The following ASIC2 variants were observed in gnomAD, a reference collection of about 807,000 sequenced individuals.
The protein encoded by ASIC2 is acid-sensing ion channel 2.
A neutral mutation model predicts 57.3 loss-of-function variants in ASIC2; 25 were observed. The ratio of observed to expected loss-of-function variants is 0.44; its 90% CI spans 0.32 to 0.61. The LOEUF (loss-of-function observed/expected upper bound fraction) is 0.61, where lower values mean the gene tolerates loss of function less well. Among genes scored for constraint, ASIC2 ranks in the 20% least tolerant of loss-of-function variants. The pLI, the probability that ASIC2 is intolerant of heterozygous loss-of-function variation, is 0.06. For missense variants in ASIC2, 641 were observed against 738.1 expected (o/e 0.87, Z 1.52); for synonymous variants, 319 against 307.5 (o/e 1.04, Z -0.39).
chr17:33,949,714 T>C (rs927693279), intron 1 of ASIC2, among the ~76,000 whole-genome samples: 2 of 152,226 alleles, frequency 1.3e-5, no homozygotes, highest in African/African-American at 4.8e-5. Flanking sequence ...AACCTCAGTT[T>C]CCTCATCTAT....
At chr17:33,737,766 C>T (rs1317681789) in intron 1 of ASIC2, among the ~76,000 whole-genome samples, 1 of 152,134 alleles carries the variant, frequency 6.6e-6, no homozygotes, top group Non-Finnish European at 1.5e-5. Flanking sequence ...AATATCCATT[C>T]CACCCAAGTC....
chr17:34,039,310 G>T, intron 1 of ASIC2: 3 of 1,613,984 alleles, frequency 1.9e-6, no homozygotes, highest in Non-Finnish European at 1.7e-6. Flanking sequence ...TGTGTTGCCA[G>T]ATCCCGTAGA....
chr17:33,543,704 A>C (rs1211287279), intron 1 of ASIC2, among the ~76,000 whole-genome samples: 1 of 152,174 alleles, frequency 6.6e-6, no homozygotes, highest in Non-Finnish European at 1.5e-5. Context: ...TAGTACTCTC[A>C]ATAAAGTCTT....
intron 1 of ASIC2, among the ~76,000 whole-genome samples, chr17:33,975,929 C>G (rs181619733): frequency 2.0e-5 from 3 of 152,030 alleles, no homozygotes. Context: ...TGAAGATTTC[C>G]CCAAATTCTT....
At chr17:33,571,885 C>T (rs1283040582) in intron 1 of ASIC2, 1 of 152,246 alleles carries the variant, frequency 6.6e-6, no homozygotes, top group Non-Finnish European at 1.5e-5. Context: ...GGTTTACCAG[C>T]AATCCCTCAA....
At chr17:33,744,854 T>A (rs1045371521) in intron 1 of ASIC2, among the ~76,000 whole-genome samples, 1 of 151,728 alleles carries the variant, frequency 6.6e-6, no homozygotes, top group Non-Finnish European at 1.5e-5. Context: ...CTGGCAGAAA[T>A]TATAAAAAAA....
chr17:33,845,328 A>G (rs148349339), intron 1 of ASIC2, among the ~76,000 whole-genome samples: 1 of 152,316 alleles, frequency 6.6e-6, no homozygotes, highest in East Asian at 1.9e-4. Context: ...GGGAAAACTG[A>G]TCAACTCTCC....
At chr17:33,489,878 A>T (rs915389328) in intron 1 of ASIC2, among the ~76,000 whole-genome samples, 4 of 152,208 alleles carry the variant, frequency 2.6e-5, no homozygotes, top group African/African-American at 9.6e-5. Context: ...CTTAGTCCTG[A>T]GTACCCAGGC....
chr17:33,092,780 T>C (rs2056577477), intron 2 of ASIC2, among the ~76,000 whole-genome samples: 1 of 152,244 alleles, frequency 6.6e-6, no homozygotes, highest in African/African-American at 2.4e-5. Flanking sequence ...GCTCTGGAGT[T>C]CTGAATGGGG....
Position 33,013,426 on chromosome 17 carries a change from A to G in ASIC2, c.*539T>C, listed in dbSNP as rs28935. ...GGGTCACCTTTGGCGCCGAAGCCCC[A>G]TGGGCAGCTTGGGGAAAAGGGGGTT... On this transcript the variant is annotated 3_prime_UTR_variant, in exon 10 of 10. Transcript: ENST00000225823. 0.23 allele frequency: 35,538 copies of G among 154,990 alleles called. 4,983 individuals are homozygous for G. The highest frequency in any genetic ancestry group is 0.42 in the East Asian group (2,233 of 5,372). 9.6% of individuals were successfully genotyped at this position (154,990 alleles called of 1,614,324 possible).
chr17:33,816,700 C>A (rs1280052800), intron 1 of ASIC2: 2 of 152,198 alleles, frequency 1.3e-5, no homozygotes, highest in Non-Finnish European at 2.9e-5. Flanking sequence ...TACTCACCAG[C>A]CACAGAGAGG....
At chr17:33,036,422 C>A (rs999505331) in intron 3 of ASIC2, among the ~76,000 whole-genome samples, 2 of 152,034 alleles carry the variant, frequency 1.3e-5, no homozygotes, top group Admixed American at 1.3e-4. Flanking sequence ...ACTTTTCAGA[C>A]ATTATTTATT....
intron 1 of ASIC2, among the ~76,000 whole-genome samples, chr17:33,916,970 G>A (rs1915597722): frequency 6.6e-6 from 1 of 152,184 alleles, no homozygotes; most frequent in Admixed American, 6.5e-5. Flanking sequence ...AGACACTGGT[G>A]AGTGGTGGTG....
chr17:34,113,983 C>T (rs1317411320), intron 1 of ASIC2, among the ~76,000 whole-genome samples: 1 of 152,182 alleles, frequency 6.6e-6, no homozygotes, highest in Non-Finnish European at 1.5e-5. Context: ...CTTGAGGCAC[C>T]AGATCTGCAT....
chr17:33,731,019 C>T (rs986410824), intron 1 of ASIC2, among the ~76,000 whole-genome samples: 2 of 152,180 alleles, frequency 1.3e-5, no homozygotes, highest in African/African-American at 4.8e-5. Context: ...TACACTGCAC[C>T]TACTCCACCT....
intron 1 of ASIC2, among the ~76,000 whole-genome samples, chr17:33,320,893 C>G (rs1452728557): frequency 6.6e-6 from 1 of 152,180 alleles, no homozygotes; most frequent in Non-Finnish European, 1.5e-5. Context: ...CATCCTTACT[C>G]TACCCTGAGG....
At chr17:33,418,063 T>A (rs866794039) in intron 1 of ASIC2, among the ~76,000 whole-genome samples, 12 of 125,960 alleles carry the variant, frequency 9.5e-5, no homozygotes, top group Admixed American at 4.1e-4. Flanking sequence ...TGTGTGTGTG[T>A]GTGTGTGTGT....
intron 1 of ASIC2, among the ~76,000 whole-genome samples, chr17:33,381,107 C>T (rs540117157): frequency 1.1e-4 from 16 of 152,292 alleles, no homozygotes; most frequent in South Asian, 8.3e-4. Context: ...AGCACTTGGC[C>T]GGTGGCTGTG....
intron 1 of ASIC2, among the ~76,000 whole-genome samples, chr17:33,635,846 A>G (rs1906342007): frequency 6.6e-6 from 1 of 152,232 alleles, no homozygotes. Context: ...TTACTGAAAG[A>G]GTCACATAAG....
Sources: allele counts gnomAD v4.1 joint callset (sites outside exome capture counted in the v4.1 genomes callset), GRCh38; gene constraint gnomAD v4.1.1; transcripts MANE v1.5; gene names NCBI Gene and HGNC (gene_info 2026-07-23, HGNC 2026-07-21).